Variants in TSEN2 observed in about 807,000 individuals in gnomAD.
TSEN2 encodes the protein tRNA-splicing endonuclease subunit Sen2.
In TSEN2, 54 loss-of-function variants were observed where a neutral mutation model predicts 59.2. That is an observed-to-expected ratio of 0.91 (90% confidence interval 0.73 to 1.14). The LOEUF (loss-of-function observed/expected upper bound fraction) is 1.14. Among genes scored for constraint, TSEN2 ranks in the 50% most tolerant of loss-of-function variants. The pLI, the probability that TSEN2 is intolerant of heterozygous loss-of-function variation, is 0.00. For missense variants in TSEN2, 636 were observed against 576.2 expected, an observed-to-expected ratio of 1.10 and a Z score of -1.06; for synonymous variants, 195 against 198.2, an observed-to-expected ratio of 0.98 and a Z score of 0.14.
chr3:12,510,543 G>C (rs562044809), intron 6 of TSEN2, among the ~76,000 whole-genome samples: 1 of 152,276 alleles, frequency 6.6e-6, no homozygotes, highest in South Asian at 2.1e-4. Context: ...CACCAGGGTC[G>C]GGCGACAGCT....
At chr3:12,513,225 T>C (rs2055686132) in intron 6 of TSEN2, among the ~76,000 whole-genome samples, 1 of 152,202 alleles carries the variant, frequency 6.6e-6, no homozygotes, top group African/African-American at 2.4e-5. Flanking sequence ...AACACATCAG[T>C]TTTTGAAGAA....
intron 1 of TSEN2, 59 bp from the exon 2 acceptor site, chr3:12,489,725 T>G: frequency 6.9e-7 from 1 of 1,442,056 alleles, no homozygotes; most frequent in Non-Finnish European, 9.6e-7. Context: ...TACTCACATT[T>G]TGGATCAAGG....
intron 3 of TSEN2, 91 bp downstream of exon 3, chr3:12,492,308 A>G (rs905884077): frequency 6.8e-6 from 8 of 1,171,636 alleles, no homozygotes; most frequent in Non-Finnish European, 1.0e-5. Flanking sequence ...GTAAAATTCT[A>G]GAGAAGTAAC....
At chr3:12,525,633 T>C (rs2057011710) in intron 8 of TSEN2, among the ~76,000 whole-genome samples, 1 of 152,200 alleles carries the variant, frequency 6.6e-6, no homozygotes, top group South Asian at 2.1e-4. Flanking sequence ...CTCAGCTCAC[T>C]GCATCCTCAA....
In TSEN2 at chr3:12,533,140, A is replaced by G. The variant is rs139545175; in HGVS notation, c.*419A>G. The G allele has an allele frequency of 1.7e-3, 450 of 257,594 alleles. 1 individual carries two copies. The highest frequency in any genetic ancestry group is 2.9e-3 in the Non-Finnish European group (383 of 132,758). 16.0% of individuals were successfully genotyped at this position (257,594 alleles called of 1,614,324 possible). A position where few individuals can be genotyped will look rare whatever the true frequency, so the allele number is the denominator to read the frequency against. On this transcript the variant is annotated 3_prime_UTR_variant, in exon 12 of 12. Transcript: ENST00000284995. Reference sequence around the variant, plus strand: ...CATACGCAGGCATCTCTTGTTACCTACATCTAAGCTGTTCCCGAAAGAGTG... The same window carrying G: ...CATACGCAGGCATCTCTTGTTACCTGCATCTAAGCTGTTCCCGAAAGAGTG...
At chr3:12,523,701 A>C (rs1054105098) in intron 8 of TSEN2, among the ~76,000 whole-genome samples, 1 of 150,516 alleles carries the variant, frequency 6.6e-6, no homozygotes, top group Non-Finnish European at 1.5e-5. Context: ...CACCACACCC[A>C]GCTAATTTTT....
intron 8 of TSEN2, among the ~76,000 whole-genome samples, chr3:12,522,303 C>T (rs561364521): frequency 2.6e-5 from 4 of 152,154 alleles, no homozygotes; most frequent in African/African-American, 7.2e-5. Flanking sequence ...AGATAAACTA[C>T]TCAGTTTACA....
chr3:12,505,859 T>C (rs968917136), intron 6 of TSEN2, among the ~76,000 whole-genome samples: 52 of 151,080 alleles, frequency 3.4e-4, no homozygotes, highest in Admixed American at 8.5e-4. Flanking sequence ...CAGCCACTTG[T>C]GTGGCTGACG....
chr3:12,489,680 C>A (rs916661522), intron 1 of TSEN2, 104 bp from the exon 2 acceptor site: 2 of 918,656 alleles, frequency 2.2e-6, no homozygotes, highest in African/African-American at 1.6e-5. Flanking sequence ...TTTCTTCCCA[C>A]AGACCACTAA....
chr3:12,509,447 G>A (rs978231131), intron 6 of TSEN2, among the ~76,000 whole-genome samples: 47 of 152,060 alleles, frequency 3.1e-4, no homozygotes, highest in African/African-American at 4.8e-5. Flanking sequence ...TGATCTGCCC[G>A]TCTTGGCCTC....
downstream of TSEN2, among the ~76,000 whole-genome samples, chr3:12,534,883 A>G (rs2057636415): frequency 6.6e-6 from 1 of 151,870 alleles, no homozygotes; most frequent in African/African-American, 2.4e-5. Flanking sequence ...AGGCAGGAGA[A>G]TCACTTGAAC....
intron 3 of TSEN2, among the ~76,000 whole-genome samples, chr3:12,494,472 C>T (rs1321624915): frequency 6.6e-6 from 1 of 152,212 alleles, no homozygotes; most frequent in Non-Finnish European, 1.5e-5. Context: ...TCTCAGCTCA[C>T]TGCATCCTCC....
chr3:12,534,507 G>A (rs901261203), downstream of TSEN2, among the ~76,000 whole-genome samples: 5 of 151,974 alleles, frequency 3.3e-5, no homozygotes, highest in African/African-American at 7.3e-5. Flanking sequence ...TTACCTAATC[G>A]TGTGGTTGTG....
intron 8 of TSEN2, among the ~76,000 whole-genome samples, chr3:12,520,778 T>G (rs887499157): frequency 2.1e-4 from 25 of 120,420 alleles, no homozygotes; most frequent in African/African-American, 7.5e-4. Flanking sequence ...TGACAGAGAC[T>G]CCACCTCAAA....
Position 12,519,036 on chromosome 3 carries a change from T to C in TSEN2, c.961-23T>C, listed in dbSNP as rs574772048. The C allele has an allele frequency of 2.2e-5, 36 of 1,613,992 alleles. No homozygotes were observed. The African/African-American group carries it at 3.3e-4, about 15-fold the overall frequency. Reference sequence around the variant, plus strand: ...TGAATGCATACATAGTAATGCTTTTTGTTTTTTTGTAAATAACTTTAGGAG... The same window carrying C: ...TGAATGCATACATAGTAATGCTTTTCGTTTTTTTGTAAATAACTTTAGGAG... On this transcript the variant is annotated intron_variant, in intron 7 of 11. Coordinates refer to ENST00000284995, the MANE Select transcript of TSEN2 (RefSeq NM_025265.4).
intron 10 of TSEN2, chr3:12,539,036 G>T (rs917537258): frequency 5.3e-6 from 2 of 379,972 alleles, no homozygotes; most frequent in Non-Finnish European, 1.0e-5. Flanking sequence ...ACTCAGAAGA[G>T]CTCCTTTAAA....
At chr3:12,506,594 AAGTGGCT>A in intron 6 of TSEN2, 1 of 678,394 alleles carries the variant, frequency 1.5e-6, no homozygotes, top group Non-Finnish European at 1.8e-6. Context: ...AAAAAAAAAA[AAGTGGCT>A]AAAAGTGGCC....
chr3:12,503,237 T>G, intron 4 of TSEN2, 25 bp from the exon 5 acceptor site: 2 of 1,614,128 alleles, frequency 1.2e-6, no homozygotes, highest in Non-Finnish European at 1.7e-6. Context: ...CGAGTGCTGT[T>G]TCTAACAGTA....
chr3:12,513,925 G>A (rs2055775270), intron 6 of TSEN2, among the ~76,000 whole-genome samples: 1 of 152,212 alleles, frequency 6.6e-6, no homozygotes, highest in Admixed American at 6.5e-5. Context: ...GCTGTAGGGT[G>A]GCTCTGGCTG....
Sources: allele counts gnomAD v4.1 joint callset (sites outside exome capture counted in the v4.1 genomes callset), GRCh38; gene constraint gnomAD v4.1.1; transcripts MANE v1.5; gene names NCBI Gene and HGNC (gene_info 2026-07-23, HGNC 2026-07-21).